ANKRD28: variants seen among roughly 807,000 people sequenced by gnomAD.
ANKRD28 encodes the protein ankyrin repeat domain 28.
A neutral mutation model predicts 126.5 loss-of-function variants in ANKRD28; 44 were observed. The observed-to-expected ratio is 0.35, with a 90% CI of 0.27 to 0.45. The LOEUF (loss-of-function observed/expected upper bound fraction) is 0.45. Among genes scored for constraint, ANKRD28 ranks in the 20% least tolerant of loss-of-function variants. ANKRD28 has a pLI of 1.00. For missense variants in ANKRD28, 1,110 were observed against 1,316.6 expected, an observed-to-expected ratio of 0.84 and a Z score of 2.43; for synonymous variants, 442 against 468.5, an observed-to-expected ratio of 0.94 and a Z score of 0.73.
chr3:15,733,367 G>A (rs966370284), intron 6 of ANKRD28: 5 of 152,298 alleles, frequency 3.3e-5, no homozygotes, highest in African/African-American at 1.2e-4. Context: ...AGCTGATCTG[G>A]GATTGCCTTC....
chr3:15,722,179 TAA>T (rs2073804056), intron 7 of ANKRD28, among the ~76,000 whole-genome samples: 1 of 152,186 alleles, frequency 6.6e-6, no homozygotes, highest in Non-Finnish European at 1.5e-5. Context: ...ATATTCCTGA[TAA>T]AAGAGTCTCT....
exon 1 of ANKRD28, chr3:15,859,509 G>A (rs1357940511): frequency 1.7e-5 from 19 of 1,091,668 alleles, no homozygotes; most frequent in Non-Finnish European, 2.3e-5. Context: ...CCGCTGCCCG[G>A]GACCAGCGGG....
chr3:15,731,349 C>A lies in ANKRD28; in HGVS notation c.640+4061G>T, dbSNP rs969994941. On this transcript the variant is annotated intron_variant, in intron 6 of 27. Transcript: ENST00000683139. ...GCTTAATTCTTAGTAGGTAAAAACA[C>A]TGATGCACTCTGCTTACCATGTAAG... 5.8e-4 allele frequency among the ~76,000 whole-genome samples: 88 copies of A among 152,168 alleles called. 1 individual carries two copies. The highest frequency in any genetic ancestry group is 5.9e-5 in the Non-Finnish European group (4 of 68,030).
upstream of ANKRD28, among the ~76,000 whole-genome samples, chr3:15,798,994 G>A (rs1324606273): frequency 1.3e-5 from 2 of 151,896 alleles, no homozygotes; most frequent in African/African-American, 4.8e-5. Context: ...CCATTATAGA[G>A]GGAAAAACAG....
At chr3:15,714,264 C>T (rs918322097) in intron 9 of ANKRD28, among the ~76,000 whole-genome samples, 9 of 151,898 alleles carry the variant, frequency 5.9e-5, no homozygotes, top group African/African-American at 2.2e-4. Context: ...ATACAGAGTA[C>T]ACACATTAAT....
intron 27 of ANKRD28, among the ~76,000 whole-genome samples, chr3:15,672,908 T>C (rs924890818): frequency 1.3e-5 from 2 of 152,214 alleles, no homozygotes; most frequent in African/African-American, 2.4e-5. Flanking sequence ...CCCAAGTAGC[T>C]AGGATTACAG....
intron 1 of ANKRD28, among the ~76,000 whole-genome samples, chr3:15,823,931 T>A (rs1277696893): frequency 6.6e-6 from 1 of 150,378 alleles, no homozygotes; most frequent in Non-Finnish European, 1.5e-5. Flanking sequence ...ATCGTTTATT[T>A]AAAAACCCAC....
rs116655924 is a variant in ANKRD28, at chr3:15,810,911, T to C, written c.28-15605A>G. Among the ~76,000 whole-genome samples the C allele has an allele frequency of 7.8e-3, 1,191 of 152,314 alleles. 9 individuals are homozygous for C. Among genetic ancestry groups the C allele is most frequent in the Non-Finnish European group, 0.01 (710 of 68,032 alleles). On this transcript the variant is annotated intron_variant, in intron 1 of 27. Transcript: ENST00000399451. The stretch of plus-strand genomic sequence containing the variant: ...CCTGCAAAGCCAGTCATTTAACCCA[T>C]AACTCCTGTAAGCCTGAGACTCAAA...
intron 2 of ANKRD28, among the ~76,000 whole-genome samples, chr3:15,786,303 T>C (rs2059776307): frequency 6.6e-6 from 1 of 152,118 alleles, no homozygotes. Context: ...GAGAAATGTC[T>C]GTATCTTCCT....
At chr3:15,809,815 T>A (rs2060669762) in intron 1 of ANKRD28, among the ~76,000 whole-genome samples, 1 of 152,246 alleles carries the variant, frequency 6.6e-6, no homozygotes, top group Non-Finnish European at 1.5e-5. Context: ...TTTAGTCAAC[T>A]ATTTTGTTTG....
chr3:15,760,725 GA>G (rs1359165736), intron 3 of ANKRD28, among the ~76,000 whole-genome samples: 3 of 151,916 alleles, frequency 2.0e-5, no homozygotes, highest in Non-Finnish European at 4.4e-5. Context: ...TGAGTTTGGG[GA>G]AAAAAGGAAA....
chr3:15,761,391 T>C (rs1281251524), intron 3 of ANKRD28, among the ~76,000 whole-genome samples: 1 of 152,206 alleles, frequency 6.6e-6, no homozygotes, highest in Non-Finnish European at 1.5e-5. Context: ...ACCTAGAGAA[T>C]TGATCAGATC....
intron 1 of ANKRD28, among the ~76,000 whole-genome samples, chr3:15,832,975 C>T (rs11128761): frequency 0.11 from 16,815 of 152,188 alleles, 1,561 homozygotes; most frequent in East Asian, 0.56. Context: ...AATGGTATCA[C>T]TATTTTTAGT....
Position 15,714,626 on chromosome 3 carries a change from T to G in ANKRD28, c.1027A>C (p.Thr343Pro). The change falls in exon 9 of 28, where the codon ACT becomes CCT. Residue 343 changes from threonine to proline, a missense_variant. Transcript: ENST00000683139. Reference sequence around the variant, plus strand: ...CGGGAGAATCTACCGTGGAGAGCAGTCATGTGTAGTGGGGTTTTCCCATCT... The same window carrying G: ...CGGGAGAATCTACCGTGGAGAGCAGGCATGTGTAGTGGGGTTTTCCCATCT... ...SKDGKTPLHM[T>P]ALHGRFSRSQ... The G allele has an allele frequency of 6.2e-7, 1 of 1,600,980 alleles. No individual in the cohort carries two copies. The highest frequency in any genetic ancestry group is 8.5e-7 in the Non-Finnish European group (1 of 1,175,578).
At position 15,701,965 on chromosome 3, in the gene ANKRD28, C is replaced by T. The variant is rs1048674201; in HGVS notation, c.1548-5720G>A. 2.0e-5 allele frequency among the ~76,000 whole-genome samples: 3 copies of T among 150,306 alleles called. No homozygotes were observed. The South Asian group carries it at 6.4e-4, about 32-fold the overall frequency. On this transcript the variant is annotated intron_variant, in intron 14 of 27. Coordinates refer to ENST00000683139, the MANE Select transcript of ANKRD28 (RefSeq NM_001349278.2). ...TAAAAAAAATCTTTAATCAAGTTCT[C>T]TAGATGTTAGTGATAAAACAGAAAT...
At chr3:15,844,535 G>A (rs536100512) in intron 1 of ANKRD28, among the ~76,000 whole-genome samples, 2 of 152,300 alleles carry the variant, frequency 1.3e-5, no homozygotes, top group South Asian at 4.1e-4. Context: ...GGGTTCATGT[G>A]ATTTTGTAAT....
intron 21 of ANKRD28, among the ~76,000 whole-genome samples, chr3:15,683,421 TCACTA>T (rs1409071876): frequency 2.0e-5 from 3 of 152,276 alleles, no homozygotes; most frequent in African/African-American, 7.2e-5. Flanking sequence ...TCTGGCCACT[TCACTA>T]CACTCATTTC....
Position 15,843,772 on chromosome 3 carries a change from T to TA in ANKRD28, c.27+15604dup, listed in dbSNP as rs35843528. On this transcript the variant is annotated intron_variant, in intron 1 of 27. Coordinates refer to the ANKRD28 transcript ENST00000399451. This position sits in a 1 kb window ranked among gnomAD's most constrained non-coding sequence, Gnocchi z 5.2. ...GTAGGCCAGTTTGAGCCAAAAATAA[T>TA]AAAAAAAAAAAAGAGGCAGAAATCA... Among the ~76,000 whole-genome samples, 189 of 146,598 alleles carry TA rather than the reference T, an allele frequency of 1.3e-3. No individual in the cohort carries two copies. The highest frequency in any genetic ancestry group is 4.3e-3 in the African/African-American group (168 of 39,520).
At chr3:15,762,221 A>AAAAC (rs2058518514) in intron 3 of ANKRD28, among the ~76,000 whole-genome samples, 2 of 100,804 alleles carry the variant, frequency 2.0e-5, no homozygotes, top group African/African-American at 3.3e-5. Flanking sequence ...AAACAAAACA[A>AAAAC]AAAAAAAAAA....
Sources: gnomAD v4.1 joint callset for allele counts (sites outside exome capture counted in the v4.1 genomes callset) on GRCh38, gnomAD v4.1.1 for gene constraint, Gnocchi (gnomAD v3.1) non-coding constraint, MANE v1.5 for transcripts, NCBI Gene and HGNC (gene_info 2026-07-23, HGNC 2026-07-21) for gene names.